The following ROBO1 variants were observed in gnomAD, a reference collection of about 807,000 sequenced individuals.
ROBO1 encodes roundabout homolog 1.
In ROBO1, 149 loss-of-function variants were observed where a neutral mutation model predicts 195.9. The observed-to-expected ratio is 0.76, with a 90% CI of 0.67 to 0.87. The LOEUF is 0.87. Ranked by LOEUF, ROBO1 falls within the 40% of genes least tolerant of loss-of-function variation. The probability of loss-of-function intolerance (pLI) is 0.00; values close to 1 mark genes in which losing one functional copy is unlikely to be tolerated. For missense variants in ROBO1, 1,933 were observed against 2,068.3 expected (o/e 0.93, Z 1.27); for synonymous variants, 816 against 733.2 (o/e 1.11, Z -1.82).
intron 3 of ROBO1, among the ~76,000 whole-genome samples, chr3:78,996,715 AACAC>A (rs113443642): frequency 6.6e-6 from 1 of 150,910 alleles, no homozygotes; most frequent in African/African-American, 2.4e-5. Flanking sequence ...CACACACACA[AACAC>A]ACACACACAC....
chr3:78,750,946 T>G (rs114265553), intron 4 of ROBO1, among the ~76,000 whole-genome samples: 2,399 of 152,300 alleles, frequency 0.016, 28 homozygotes, highest in Middle Eastern at 0.044. Flanking sequence ...TTTTTTGTTG[T>G]TTTGCTTGTT....
intron 1 of ROBO1, among the ~76,000 whole-genome samples, chr3:79,603,694 G>A (rs1056215100): frequency 2.6e-5 from 4 of 151,956 alleles, no homozygotes; most frequent in African/African-American, 9.7e-5. Context: ...TACATCATTT[G>A]TTTTGTGTCC....
chr3:79,750,133 G>A (rs1704067209), intron 1 of ROBO1, among the ~76,000 whole-genome samples: 1 of 152,240 alleles, frequency 6.6e-6, no homozygotes, highest in African/African-American at 2.4e-5. Context: ...TGTGAGGCAT[G>A]GAGTCAAAGG....
chr3:78,746,873 G>T lies in ROBO1; in HGVS notation c.527C>A (p.Pro176His). The T allele has an allele frequency of 6.3e-7, 1 of 1,581,784 alleles. No homozygotes were observed. Among genetic ancestry groups the T allele is most frequent in the Non-Finnish European group, 8.6e-7 (1 of 1,158,950 alleles). The change falls in exon 5 of 31, where the codon CCT becomes CAT. Residue 176 changes from proline to histidine, a missense_variant. Around this residue, in one of 3 missense-constraint regions of ROBO1, gnomAD observed 1,737 missense variants for 1,882.5 expected, o/e 0.92. Transcript: ENST00000464233. ...TCCTACTGCAACCATGACATCCGAA[G>T]GGTTTTGTCTGAAGTCATCCCGAAG... is the stretch of plus-strand genomic sequence containing the variant. ...AILRDDFRQNPSDVMVAVGEP... is the reference protein window; with the variant it reads ...AILRDDFRQNHSDVMVAVGEP...
At chr3:79,627,844 A>G (rs1305761173) in intron 1 of ROBO1, among the ~76,000 whole-genome samples, 1 of 152,176 alleles carries the variant, frequency 6.6e-6, no homozygotes, top group East Asian at 1.9e-4. Flanking sequence ...AAAGATAAGA[A>G]CAGACACTTC....
At chr3:79,714,119 A>G (rs940950088) in intron 1 of ROBO1, among the ~76,000 whole-genome samples, 79 of 152,266 alleles carry the variant, frequency 5.2e-4, no homozygotes, top group African/African-American at 1.8e-3. Flanking sequence ...GCTAATATCC[A>G]GAATCTACAA....
chr3:78,720,950 T>TGG lies in ROBO1; in HGVS notation c.658-3069_658-3068dup, dbSNP rs1218794618. On this transcript the variant is annotated intron_variant, in intron 5 of 30. Coordinates refer to ENST00000464233, the MANE Select transcript of ROBO1 (RefSeq NM_002941.4). ...CACACACTGGGACCTGTTGTGGGGT[T>TGG]GGGGGGGGGGCGGTGGAGGCATAGC... Among the ~76,000 whole-genome samples, 267 of 127,756 alleles carry TGG rather than the reference T, an allele frequency of 2.1e-3. 1 individual carries two copies. Among genetic ancestry groups the TGG allele is most frequent in the African/African-American group, 7.3e-3 (241 of 32,952 alleles). 83.8% of individuals were successfully genotyped at this position (127,756 alleles called of 152,430 possible). A position where few individuals can be genotyped will look rare whatever the true frequency, so the allele number is the denominator to read the frequency against.
chr3:79,406,199 G>A (rs1163626739), intron 2 of ROBO1, among the ~76,000 whole-genome samples: 3 of 150,030 alleles, frequency 2.0e-5, no homozygotes, highest in Non-Finnish European at 3.0e-5. Context: ...GAGATGTGAT[G>A]CTAAAAAAAA....
intron 4 of ROBO1, among the ~76,000 whole-genome samples, chr3:78,905,714 T>G (rs2037866105): frequency 6.6e-6 from 1 of 152,122 alleles, no homozygotes; most frequent in African/African-American, 2.4e-5. Flanking sequence ...TCACATATAA[T>G]AATATAATTA....
intron 1 of ROBO1, among the ~76,000 whole-genome samples, chr3:79,599,347 G>T (rs1417705415): frequency 6.6e-6 from 1 of 151,954 alleles, no homozygotes; most frequent in Non-Finnish European, 1.5e-5. Context: ...ATGACTTCTG[G>T]ATTAGATATT....
chr3:79,518,796 C>A (rs549431513), intron 2 of ROBO1, among the ~76,000 whole-genome samples: 146 of 151,860 alleles, frequency 9.6e-4, no homozygotes, highest in Non-Finnish European at 1.8e-3. Flanking sequence ...CTCAGACTCC[C>A]AAGTAGCTGG....
At chr3:78,698,713 C>G (rs2081354786) in intron 8 of ROBO1, among the ~76,000 whole-genome samples, 1 of 152,104 alleles carries the variant, frequency 6.6e-6, no homozygotes. Context: ...ATTCAGAAGC[C>G]CAGCTGTAGA....
At chr3:78,673,829 A>G (rs1336964159) in intron 10 of ROBO1, among the ~76,000 whole-genome samples, 4 of 151,610 alleles carry the variant, frequency 2.6e-5, no homozygotes, top group African/African-American at 9.7e-5. Context: ...TAGTTCACGT[A>G]CAAAAAGTCA....
intron 2 of ROBO1, among the ~76,000 whole-genome samples, chr3:79,262,356 A>G (rs2082955444): frequency 6.6e-6 from 1 of 152,098 alleles, no homozygotes. Flanking sequence ...AACTGAAAAT[A>G]AAGATATTTT....
chr3:79,114,845 C>T (rs1052260493), intron 3 of ROBO1, among the ~76,000 whole-genome samples: 5 of 152,124 alleles, frequency 3.3e-5, no homozygotes, highest in African/African-American at 1.2e-4. Context: ...CATGCTACCA[C>T]TTTTGAGTGT....
intron 5 of ROBO1, among the ~76,000 whole-genome samples, chr3:78,729,200 C>CTT (rs2082232689): frequency 3.3e-5 from 5 of 152,180 alleles, no homozygotes; most frequent in South Asian, 4.1e-4. Flanking sequence ...GCTGCAGAAG[C>CTT]ACACCTATGA....
At chr3:79,524,610 C>T (rs916259667) in intron 2 of ROBO1, among the ~76,000 whole-genome samples, 4 of 152,052 alleles carry the variant, frequency 2.6e-5, no homozygotes, top group Non-Finnish European at 5.9e-5. Context: ...TTTGTCTAAA[C>T]AACTCCAAAC....
chr3:79,473,743 GGTT>G (rs1938405252), intron 2 of ROBO1, among the ~76,000 whole-genome samples: 1 of 151,966 alleles, frequency 6.6e-6, no homozygotes, highest in Non-Finnish European at 1.5e-5. Flanking sequence ...AAGATACAAA[GGTT>G]GTTTTAATTT....
intron 1 of ROBO1, among the ~76,000 whole-genome samples, chr3:79,678,304 T>C (rs1282800333): frequency 6.6e-6 from 1 of 151,954 alleles, no homozygotes; most frequent in Non-Finnish European, 1.5e-5. Context: ...TATATATATA[T>C]ATATAAATCA....
Sources: allele counts gnomAD v4.1 joint callset (sites outside exome capture counted in the v4.1 genomes callset), GRCh38; gene constraint gnomAD v4.1.1; regional missense constraint gnomAD v4.1.1; transcripts MANE v1.5; gene names NCBI Gene and HGNC (gene_info 2026-07-23, HGNC 2026-07-21).